The following ATXN2 variants were observed in gnomAD, a reference collection of about 807,000 sequenced individuals.
The protein encoded by ATXN2 is ataxin 2.
In ATXN2, 37 loss-of-function variants were observed where a neutral mutation model predicts 138.6. The ratio of observed to expected loss-of-function variants is 0.27; its 90% CI spans 0.21 to 0.35. The LOEUF is 0.35. Ranked by LOEUF, ATXN2 falls within the 10% of genes least tolerant of loss-of-function variation. ATXN2 has a pLI of 1.00. For missense variants in ATXN2, 1,216 were observed against 1,480.3 expected (o/e 0.82, Z 2.93); for synonymous variants, 549 against 543.7 (o/e 1.01, Z -0.13).
chr12:111,525,358 A>C lies in ATXN2; in HGVS notation c.572-42T>G, dbSNP rs759604270. 8 of 1,513,342 alleles carry C rather than the reference A, an allele frequency of 5.3e-6. No individual in the cohort carries two copies. The South Asian group carries it at 9.4e-5, about 18-fold the overall frequency. 93.7% of individuals were successfully genotyped at this position (1,513,342 alleles called of 1,614,324 possible). On this transcript the variant is annotated intron_variant, in intron 5 of 24. Coordinates refer to ENST00000673436, the MANE Select transcript of ATXN2 (RefSeq NM_001372574.1). ...TGGTTGAAAGTTTATATAATCTGGC[A>C]ATCAGTTACACTCACACACGTGAAT...
chr12:111,537,011 G>A (rs537085435), intron 5 of ATXN2, among the ~76,000 whole-genome samples: 95 of 151,760 alleles, frequency 6.3e-4, no homozygotes, highest in African/African-American at 2.0e-3. Flanking sequence ...TCGAACTCCC[G>A]GCCTCAAATG....
At chr12:111,590,309 ACCT>A (rs1410825935) in intron 1 of ATXN2, among the ~76,000 whole-genome samples, 1 of 151,838 alleles carries the variant, frequency 6.6e-6, no homozygotes, top group East Asian at 1.9e-4. Context: ...AAGAAAATAG[ACCT>A]CCTATTTTAG....
At chr12:111,537,286 C>A (rs1486373417) in intron 5 of ATXN2, among the ~76,000 whole-genome samples, 1 of 151,944 alleles carries the variant, frequency 6.6e-6, no homozygotes, top group Non-Finnish European at 1.5e-5. Flanking sequence ...GTGAAACAAG[C>A]CTATCATAAT....
At chr12:111,557,036 G>C (rs1410270789) in intron 1 of ATXN2, among the ~76,000 whole-genome samples, 1 of 152,072 alleles carries the variant, frequency 6.6e-6, no homozygotes, top group Admixed American at 6.6e-5. Context: ...CTATTTTCAA[G>C]TGAATTATAG....
chr12:111,595,972 C>T (rs960167114), intron 1 of ATXN2, among the ~76,000 whole-genome samples: 11 of 151,744 alleles, frequency 7.2e-5, no homozygotes, highest in Non-Finnish European at 1.3e-4. Context: ...CCAAGGCAGG[C>T]GGATCACTTG....
intron 18 of ATXN2, among the ~76,000 whole-genome samples, chr12:111,473,920 A>G (rs1876602594): frequency 6.6e-6 from 1 of 152,232 alleles, no homozygotes; most frequent in Non-Finnish European, 1.5e-5. Context: ...CTGGATATGA[A>G]CAAGACAAAA....
chr12:111,598,358 C>T lies in ATXN2; in HGVS notation c.251+426G>A. 1 of 990,878 alleles carries T rather than the reference C, an allele frequency of 1.0e-6. No homozygotes were observed. Among genetic ancestry groups the T allele is most frequent in the Non-Finnish European group, 1.2e-6 (1 of 833,036 alleles). The allele number at this position is 990,878 out of a possible 1,614,324, so 61.4% of individuals were successfully genotyped here. A position where few individuals can be genotyped will look rare whatever the true frequency, so the allele number is the denominator to read the frequency against. ...GGAGGGGGACATGTTCCGGAAAACGCCACCACAGCCTCCAGACCCCTCCAA... is the reference window on the plus strand; with the variant it reads ...GGAGGGGGACATGTTCCGGAAAACGTCACCACAGCCTCCAGACCCCTCCAA... On this transcript the variant is annotated intron_variant, in intron 1 of 24. Transcript: ENST00000673436. The surrounding 1 kb of genome is among the most constrained non-coding windows in gnomAD (Gnocchi z 4.5).
At chr12:111,486,900 A>T (rs1001113505) in intron 15 of ATXN2, 76 bp from the exon 16 acceptor site, 42 of 1,214,142 alleles carry the variant, frequency 3.5e-5, no homozygotes, top group Middle Eastern at 1.9e-4. Flanking sequence ...CTGACAATTT[A>T]AAAAAAATTG....
chr12:111,453,693 A>G lies in ATXN2; in HGVS notation c.3423T>C (p.Tyr1141=), dbSNP rs1565998616. The change falls in exon 24 of 25, where the codon TAT becomes TAC. Residue 1141 remains tyrosine (Y), a synonymous_variant. Coordinates refer to ENST00000673436, the MANE Select transcript of ATXN2 (RefSeq NM_001372574.1). The surrounding 1 kb of genome is among the most constrained non-coding windows in gnomAD (Gnocchi z 5.4). The part of the protein sequence containing the change: ...IPVSTTAHFP[Y]MTHPSVQAHH... The stretch of plus-strand genomic sequence containing the variant: ...ACGCCTCACCTGAAGGGTGCGTCAT[A>G]TAGGGGAAATGCGCTGTTGTCGAGA... The G allele has an allele frequency of 6.2e-7, 1 of 1,609,674 alleles. No individual in the cohort carries two copies. Among genetic ancestry groups the G allele is most frequent in the Non-Finnish European group, 8.5e-7 (1 of 1,177,724 alleles).
rs1266072561 is a variant in ATXN2, at chr12:111,513,378, A to G, written c.1537T>C (p.Trp513Arg). The part of the protein sequence containing the change: ...VARTSPSGGT[W>R]SSVVSGVPRL... The stretch of plus-strand genomic sequence containing the variant: ...CTACCCCCACTGACCACTGATGACC[A>G]CGTTCCCCCCGAGGGACTGGTCCTT... Residue 513 changes from tryptophan to arginine, a missense_variant, in exon 11 of 25, where the codon TGG becomes CGG. Physicochemically the swap from Trp to Arg is moderately radical, Grantham distance 101. This residue lies in a region of ATXN2 where 215 missense variants were observed against 210.0 expected (regional missense o/e 1.02). Coordinates refer to ENST00000673436, the MANE Select transcript of ATXN2 (RefSeq NM_001372574.1). 1 of 1,613,408 alleles carries G rather than the reference A, an allele frequency of 6.2e-7. No individual in the cohort carries two copies. The highest frequency in any genetic ancestry group is 1.3e-5 in the African/African-American group (1 of 74,874).
intron 20 of ATXN2, among the ~76,000 whole-genome samples, chr12:111,468,194 T>G (rs1876159530): frequency 6.6e-6 from 1 of 152,238 alleles, no homozygotes; most frequent in African/African-American, 2.4e-5. Flanking sequence ...GCCAGCATGA[T>G]AAATCAATCG....
At chr12:111,493,221 A>T (rs1878160515) in intron 14 of ATXN2, among the ~76,000 whole-genome samples, 1 of 152,082 alleles carries the variant, frequency 6.6e-6, no homozygotes, top group African/African-American at 2.4e-5. Flanking sequence ...GGAGCTCAAG[A>T]CCAGCCTGGC....
intron 21 of ATXN2, among the ~76,000 whole-genome samples, chr12:111,462,360 A>G (rs961435992): frequency 1.3e-5 from 2 of 152,230 alleles, no homozygotes; most frequent in African/African-American, 4.8e-5. Context: ...AAGCAAATTA[A>G]GTACAGAAAG....
At chr12:111,586,799 G>T (rs1433898393) in intron 1 of ATXN2, among the ~76,000 whole-genome samples, 2 of 152,062 alleles carry the variant, frequency 1.3e-5, no homozygotes, top group Non-Finnish European at 2.9e-5. Flanking sequence ...GGGATTACAA[G>T]CGTGAGCCAC....
chr12:111,481,899 T>C (rs977363940), intron 18 of ATXN2, among the ~76,000 whole-genome samples: 3 of 151,970 alleles, frequency 2.0e-5, no homozygotes, highest in Non-Finnish European at 4.4e-5. Context: ...TGACCTCAAG[T>C]CATCTGCCCA....
rs761439574 is a variant in ATXN2, at chr12:111,456,137, C to T, written c.3162G>A (p.Gln1054=). 6.2e-7 allele frequency: 1 copy of T among 1,614,206 alleles called. No individual in the cohort carries two copies. The change falls in exon 23 of 25, where the codon CAG becomes CAA. Residue 1054 remains glutamine, a synonymous_variant. Coordinates refer to ENST00000673436, the MANE Select transcript of ATXN2 (RefSeq NM_001372574.1). ...CTGCTGGGAAACTATTCTGTGGCGA[C>T]TGCGTGTTGGAGGCAGGTGTCATGG... ...PPSMTPASNT[Q]SPQNSFPAAQ... is the part of the protein sequence containing the mutation.
At chr12:111,561,166 T>C (rs1169013205) in intron 1 of ATXN2, among the ~76,000 whole-genome samples, 1 of 141,684 alleles carries the variant, frequency 7.1e-6, no homozygotes, top group Non-Finnish European at 1.5e-5. Context: ...GCCTGGGCAA[T>C]ACAGCGAGAC....
At chr12:111,581,112 G>A (rs1286592303) in intron 1 of ATXN2, among the ~76,000 whole-genome samples, 1 of 146,828 alleles carries the variant, frequency 6.8e-6, no homozygotes, top group Non-Finnish European at 1.5e-5. Flanking sequence ...CTCTAGGCTC[G>A]GCAACAGAGC....
At chr12:111,454,719 A>T (rs1874931802) in intron 23 of ATXN2, 1 of 325,568 alleles carries the variant, frequency 3.1e-6, no homozygotes, top group South Asian at 3.2e-5. Flanking sequence ...TTTTACTCTC[A>T]CATATTCAAA....
Sources: gnomAD v4.1 joint callset for allele counts (sites outside exome capture counted in the v4.1 genomes callset) on GRCh38, gnomAD v4.1.1 for gene constraint, gnomAD v4.1.1 regional missense constraint, Gnocchi (gnomAD v3.1) non-coding constraint, MANE v1.5 for transcripts, NCBI Gene and HGNC (gene_info 2026-07-23, HGNC 2026-07-21) for gene names.